DLGAP1: variants seen among roughly 807,000 people sequenced by gnomAD.
DLGAP1 encodes the protein DLG associated protein 1.
A neutral mutation model predicts 90.8 loss-of-function variants in DLGAP1; 11 were observed. The ratio of observed to expected loss-of-function variants is 0.12; its 90% CI spans 0.08 to 0.20. The LOEUF (loss-of-function observed/expected upper bound fraction) is 0.20, where lower values mean the gene tolerates loss of function less well. DLGAP1 is among the 10% of genes least tolerant of loss of function. The probability of loss-of-function intolerance (pLI) is 1.00; values close to 1 mark genes in which losing one functional copy is unlikely to be tolerated. For synonymous variants in DLGAP1, 558 were observed against 540.7 expected (o/e 1.03, Z -0.44); for missense variants, 1,050 against 1,333.8 (o/e 0.79, Z 3.31).
chr18:3,654,817 T>G (rs1445251961), intron 7 of DLGAP1: 1 of 152,196 alleles, frequency 6.6e-6, no homozygotes, highest in African/African-American at 2.4e-5. Flanking sequence ...CTCCTCGAGG[T>G]GAGAAGGTCT....
intron 9 of DLGAP1, among the ~76,000 whole-genome samples, chr18:3,562,369 CT>C: frequency 6.6e-6 from 1 of 152,128 alleles, no homozygotes; most frequent in African/African-American, 2.4e-5. Flanking sequence ...CAAATCTCAT[CT>C]TGAATTGTAA....
chr18:3,738,265 A>G (rs2062744483), intron 6 of DLGAP1, among the ~76,000 whole-genome samples: 1 of 147,354 alleles, frequency 6.8e-6, no homozygotes, highest in Non-Finnish European at 1.5e-5. Context: ...ACAGAATTGG[A>G]AAAAACTACT....
chr18:3,879,031 C>T lies in DLGAP1; in HGVS notation c.957+81G>A, dbSNP rs767776046. The T allele has an allele frequency of 7.3e-6, 9 of 1,228,784 alleles. No homozygotes were observed. The South Asian group carries it at 7.4e-5, about 10-fold the overall frequency. 76.1% of individuals were successfully genotyped at this position (1,228,784 alleles called of 1,614,324 possible). ...TCTTAATAGACAATTCAGAGTAGTGCCAAGACTAGAACCAGGAGAAATGCC... is the reference window on the plus strand; with the variant it reads ...TCTTAATAGACAATTCAGAGTAGTGTCAAGACTAGAACCAGGAGAAATGCC... On this transcript the variant is annotated intron_variant, in intron 4 of 12. Coordinates refer to ENST00000315677, the MANE Select transcript of DLGAP1 (RefSeq NM_004746.4). The surrounding 1 kb of genome is among the most constrained non-coding windows in gnomAD (Gnocchi z 6.6).
At chr18:3,628,120 C>T (rs2058374267) in intron 7 of DLGAP1, among the ~76,000 whole-genome samples, 1 of 151,988 alleles carries the variant, frequency 6.6e-6, no homozygotes, top group South Asian at 2.1e-4. Context: ...AAGTGGTCCA[C>T]CCGCCTTGGC....
At chr18:3,937,471 C>T (rs2072668019) in intron 3 of DLGAP1, among the ~76,000 whole-genome samples, 2 of 151,986 alleles carry the variant, frequency 1.3e-5, no homozygotes, top group South Asian at 4.2e-4. Flanking sequence ...GGGAACCTGC[C>T]CCCATGATTC....
intron 7 of DLGAP1, among the ~76,000 whole-genome samples, chr18:3,714,481 C>A (rs1376057012): frequency 6.6e-6 from 1 of 152,132 alleles, no homozygotes; most frequent in Non-Finnish European, 1.5e-5. Flanking sequence ...CTGGATAACA[C>A]GTACAGTTCC....
chr18:3,642,068 G>A (rs748158709), intron 7 of DLGAP1, among the ~76,000 whole-genome samples: 1 of 152,092 alleles, frequency 6.6e-6, no homozygotes, highest in African/African-American at 2.4e-5. Flanking sequence ...GTGGACACAC[G>A]TGCTAAATTA....
At chr18:3,531,207 C>T (rs1262941102) in intron 10 of DLGAP1, among the ~76,000 whole-genome samples, 2 of 152,054 alleles carry the variant, frequency 1.3e-5, no homozygotes, top group Non-Finnish European at 2.9e-5. Flanking sequence ...GAGGCCGAGA[C>T]GGGTGGATCA....
At chr18:3,663,309 G>A (rs2059754291) in intron 7 of DLGAP1, among the ~76,000 whole-genome samples, 2 of 152,096 alleles carry the variant, frequency 1.3e-5, no homozygotes, top group African/African-American at 4.8e-5. Context: ...TTGAGCTTGA[G>A]ATAAGGTTTT....
chr18:3,908,440 C>T (rs62083567), intron 3 of DLGAP1, among the ~76,000 whole-genome samples: 6,620 of 152,112 alleles, frequency 0.044, 191 homozygotes, highest in South Asian at 0.058. Context: ...ATTCAAGATC[C>T]TCATCAGTAC....
intron 1 of DLGAP1, among the ~76,000 whole-genome samples, chr18:4,260,409 C>A (rs1442921592): frequency 6.6e-6 from 1 of 152,052 alleles, no homozygotes; most frequent in Non-Finnish European, 1.5e-5. Flanking sequence ...ATTGATCAGC[C>A]TTAAGTTTCA....
At chr18:4,072,195 C>T (rs1424528551) in intron 2 of DLGAP1, among the ~76,000 whole-genome samples, 1 of 152,100 alleles carries the variant, frequency 6.6e-6, no homozygotes, top group Non-Finnish European at 1.5e-5. Context: ...TGAAGACTTT[C>T]TCTTAGAAGA....
At chr18:3,816,231 G>A (rs2067098297) in intron 4 of DLGAP1, among the ~76,000 whole-genome samples, 1 of 152,240 alleles carries the variant, frequency 6.6e-6, no homozygotes, top group East Asian at 1.9e-4. Context: ...CAGCACTAGG[G>A]TTCGAGGTGT....
chr18:3,974,239 T>G (rs1443902482), intron 3 of DLGAP1, among the ~76,000 whole-genome samples: 1 of 152,070 alleles, frequency 6.6e-6, no homozygotes, highest in Non-Finnish European at 1.5e-5. Context: ...GACACCTGGC[T>G]AATTTTTTTG....
intron 1 of DLGAP1, among the ~76,000 whole-genome samples, chr18:4,302,101 C>T (rs2080139927): frequency 6.6e-6 from 1 of 152,156 alleles, no homozygotes; most frequent in Admixed American, 6.5e-5. Context: ...TCTCCTCAGT[C>T]TGTACATTGT....
intron 1 of DLGAP1, among the ~76,000 whole-genome samples, chr18:4,339,992 T>G (rs1452179670): frequency 6.6e-6 from 1 of 152,160 alleles, no homozygotes; most frequent in Admixed American, 6.5e-5. Flanking sequence ...TACATTGGTC[T>G]TCTCTTATCA....
intron 5 of DLGAP1, among the ~76,000 whole-genome samples, chr18:3,764,802 G>A (rs570594652): frequency 6.6e-6 from 1 of 152,268 alleles, no homozygotes; most frequent in East Asian, 1.9e-4. Flanking sequence ...CCTTCAGATG[G>A]AAACAAAATT....
intron 1 of DLGAP1, among the ~76,000 whole-genome samples, chr18:4,336,237 G>A (rs573802706): frequency 6.6e-6 from 1 of 152,212 alleles, no homozygotes; most frequent in South Asian, 2.1e-4. Flanking sequence ...TCTGCTTATT[G>A]GGCTATAAGT....
chr18:3,815,266 C>G (rs1190985571), intron 4 of DLGAP1, among the ~76,000 whole-genome samples: 1 of 152,226 alleles, frequency 6.6e-6, no homozygotes, highest in Non-Finnish European at 1.5e-5. Flanking sequence ...ATTTACTCCC[C>G]AGTCACTTAT....
Sources: allele counts gnomAD v4.1 joint callset (sites outside exome capture counted in the v4.1 genomes callset), GRCh38; gene constraint gnomAD v4.1.1; non-coding constraint Gnocchi (gnomAD v3.1); transcripts MANE v1.5; gene names NCBI Gene and HGNC (gene_info 2026-07-23, HGNC 2026-07-21).